Variants in CCN6 observed in about 807,000 individuals in gnomAD.
CCN6 encodes cellular communication network factor 6.
A neutral mutation model predicts 37.4 loss-of-function variants in CCN6; 31 were observed. The observed-to-expected ratio is 0.83, with a 90% confidence interval of 0.62 to 1.12. CCN6 has a LOEUF of 1.12. CCN6 is among the 50% of genes most tolerant of loss of function. CCN6 has a pLI of 0.00. For missense variants in CCN6, 369 were observed against 413.8 expected (o/e 0.89, Z 0.94); for synonymous variants, 137 against 142.1 (o/e 0.96, Z 0.26).
chr6:112,064,289 A>C (rs113686457), intron 2 of CCN6, among the ~76,000 whole-genome samples: 3,277 of 152,304 alleles, frequency 0.022, 119 homozygotes, highest in African/African-American at 0.076. Context: ...AAGAATACCC[A>C]TCAGAGGAAG....
intron 1 of CCN6, chr6:112,060,002 A>AAG (rs1554312452): frequency 7.3e-7 from 1 of 1,364,512 alleles, no homozygotes; most frequent in Middle Eastern, 2.1e-4. Context: ...AAGAGAGTAA[A>AAG]AGAGTGAGCC....
intron 4 of CCN6, 25 bp from the exon 5 acceptor site, chr6:112,069,314 G>T: frequency 6.2e-7 from 1 of 1,608,124 alleles, no homozygotes; most frequent in South Asian, 1.1e-5. Flanking sequence ...TTTAAAGAAT[G>T]ACTTCATTTT....
intron 1 of CCN6, chr6:112,054,734 C>T: frequency 3.1e-6 from 1 of 317,862 alleles, no homozygotes; most frequent in Non-Finnish European, 6.0e-6. Context: ...AACAGTGTCT[C>T]TCCATGCCAG....
Position 112,054,246 on chromosome 6 carries a change from T to C in CCN6, c.-112T>C, listed in dbSNP as rs1022278543. ...GTGGGAGGTAGAGGGTGTGTGTTCTTGTGCAGAGGAGCGTGGGGTTTGCAG... is the reference window on the plus strand; with the variant it reads ...GTGGGAGGTAGAGGGTGTGTGTTCTCGTGCAGAGGAGCGTGGGGTTTGCAG... On this transcript the variant is annotated 5_prime_UTR_variant, in exon 1 of 5. Transcript: ENST00000368666. 2.9e-5 allele frequency: 42 copies of C among 1,451,476 alleles called. No homozygotes were observed. The Admixed American group carries it at 4.8e-4, about 17-fold the overall frequency. The allele number at this position is 1,451,476 out of a possible 1,614,324, so 89.9% of individuals were successfully genotyped here. A position where few individuals can be genotyped will look rare whatever the true frequency, so the allele number is the denominator to read the frequency against.
chr6:112,069,675 G>GT lies in CCN6; in HGVS notation c.*56dup. On this transcript the variant is annotated 3_prime_UTR_variant, in exon 5 of 5. Transcript: ENST00000368666. ...ATCCTGTCATATAATAAAAAAATTAGTGAGTATAAAATGGTGGCAAATCTA... is the reference window on the plus strand; with the variant it reads ...ATCCTGTCATATAATAAAAAAATTAGTTGAGTATAAAATGGTGGCAAATCTA... The GT allele has an allele frequency of 6.2e-7, 1 of 1,600,508 alleles. No homozygotes were observed. The highest frequency in any genetic ancestry group is 1.3e-5 in the African/African-American group (1 of 74,652).
At chr6:112,052,899 G>A (rs1554310968), upstream of CCN6, among the ~76,000 whole-genome samples, 5 of 152,218 alleles carry the variant, frequency 3.3e-5, no homozygotes, top group African/African-American at 9.6e-5. Context: ...CAGATTCTCT[G>A]TGGTGGAGGA....
upstream of CCN6, among the ~76,000 whole-genome samples, chr6:112,053,865 T>C (rs3806965): frequency 6.6e-3 from 680 of 102,884 alleles, 10 homozygotes; most frequent in African/African-American, 0.022. Flanking sequence ...GTGCTGTTGG[T>C]GGGGGGGCCA....
chr6:112,055,560 C>T (rs1554311637), intron 1 of CCN6, among the ~76,000 whole-genome samples: 1 of 151,990 alleles, frequency 6.6e-6, no homozygotes. Context: ...CTGCTATATG[C>T]CAAATACTGT....
intron 1 of CCN6, among the ~76,000 whole-genome samples, chr6:112,055,515 G>A (rs1483008059): frequency 1.3e-5 from 2 of 152,200 alleles, no homozygotes; most frequent in Admixed American, 1.3e-4. Context: ...ATAAATTCAT[G>A]AAATAGCTGA....
chr6:112,065,924 C>T (rs1373835515), intron 3 of CCN6, among the ~76,000 whole-genome samples: 3 of 152,178 alleles, frequency 2.0e-5, no homozygotes, highest in Non-Finnish European at 4.4e-5. Context: ...TTCTTGTTCA[C>T]ATCTCTGTGT....
At chr6:112,055,314 G>A (rs1018279317) in intron 1 of CCN6, among the ~76,000 whole-genome samples, 2 of 152,216 alleles carry the variant, frequency 1.3e-5, no homozygotes, top group East Asian at 3.8e-4. Flanking sequence ...CCCTGTCTGT[G>A]TGCCTCCTAT....
At chr6:112,060,524 G>A (rs1489022207) in intron 1 of CCN6, among the ~76,000 whole-genome samples, 2 of 152,206 alleles carry the variant, frequency 1.3e-5, no homozygotes, top group African/African-American at 4.8e-5. Context: ...AGAGCAGAGT[G>A]GAAGGGGAAG....
chr6:112,054,050 G>C, upstream of CCN6: 1 of 558,376 alleles, frequency 1.8e-6, no homozygotes, highest in South Asian at 1.9e-5. Flanking sequence ...GTCACTTAGA[G>C]AACAGTCACT....
intron 2 of CCN6, among the ~76,000 whole-genome samples, chr6:112,061,566 C>T (rs1243044875): frequency 6.6e-6 from 1 of 152,146 alleles, no homozygotes; most frequent in African/African-American, 2.4e-5. Context: ...AAGGAATTAT[C>T]TAGAGTCTGA....
intron 1 of CCN6, 185 bp downstream of exon 1, chr6:112,054,590 A>G: frequency 1.6e-6 from 1 of 627,676 alleles, no homozygotes; most frequent in South Asian, 1.8e-5. Flanking sequence ...CATGAGCTTC[A>G]TGAAAGAAAT....
At chr6:112,060,283 G>T (rs1776474883) in intron 1 of CCN6, among the ~76,000 whole-genome samples, 1 of 152,188 alleles carries the variant, frequency 6.6e-6, no homozygotes, top group African/African-American at 2.4e-5. Flanking sequence ...CAAGGAAGGT[G>T]AACACTCAGG....
intron 1 of CCN6, among the ~76,000 whole-genome samples, chr6:112,058,882 C>A (rs749405393): frequency 3.9e-5 from 6 of 152,108 alleles, no homozygotes; most frequent in Non-Finnish European, 8.8e-5. Flanking sequence ...GACTAGGGGA[C>A]CTGAGTGGAT....
chr6:112,064,284 T>C (rs587708747), intron 2 of CCN6, among the ~76,000 whole-genome samples: 1 of 152,294 alleles, frequency 6.6e-6, no homozygotes, highest in East Asian at 1.9e-4. Flanking sequence ...AAGTCAAGAA[T>C]ACCCATCAGA....
upstream of CCN6, among the ~76,000 whole-genome samples, chr6:112,052,853 G>A (rs1776249291): frequency 6.6e-6 from 1 of 152,090 alleles, no homozygotes; most frequent in African/African-American, 2.4e-5. Context: ...TGTGTGATCT[G>A]CAGGTTTTAG....
Sources: gnomAD v4.1 joint callset for allele counts (sites outside exome capture counted in the v4.1 genomes callset) on GRCh38, gnomAD v4.1.1 for gene constraint, MANE v1.5 for transcripts, NCBI Gene and HGNC (gene_info 2026-07-23, HGNC 2026-07-21) for gene names.